The following LAMA2 variants were observed in gnomAD, a reference collection of about 807,000 sequenced individuals.
LAMA2 encodes the protein laminin subunit alpha-2.
Under a neutral mutation model 364.8 loss-of-function variants are expected in LAMA2, and 269 were observed. The ratio of observed to expected loss-of-function variants is 0.74; its 90% CI spans 0.67 to 0.82. The LOEUF (loss-of-function observed/expected upper bound fraction) is 0.82. Among genes scored for constraint, LAMA2 ranks in the 40% least tolerant of loss-of-function variants. The pLI, the probability that LAMA2 is intolerant of heterozygous loss-of-function variation, is 0.00. For synonymous variants in LAMA2, 1,379 were observed against 1,370.6 expected, an observed-to-expected ratio of 1.01 and a Z score of -0.14; for missense variants, 3,807 against 3,873.2, an observed-to-expected ratio of 0.98 and a Z score of 0.45.
intron 12 of LAMA2, among the ~76,000 whole-genome samples, chr6:129,210,352 A>G (rs1236347454): frequency 6.6e-6 from 1 of 152,202 alleles, no homozygotes; most frequent in Non-Finnish European, 1.5e-5. Flanking sequence ...GACTATGTAA[A>G]TACAAATTTA....
At chr6:129,051,405 C>G (rs1582944962) in intron 2 of LAMA2, among the ~76,000 whole-genome samples, 1 of 147,472 alleles carries the variant, frequency 6.8e-6, no homozygotes, top group African/African-American at 2.5e-5. Context: ...CGCCATCTCC[C>G]GGGTTCAAGC....
intron 1 of LAMA2, among the ~76,000 whole-genome samples, chr6:129,048,020 G>A (rs1263569349): frequency 6.6e-6 from 1 of 152,062 alleles, no homozygotes; most frequent in East Asian, 1.9e-4. Flanking sequence ...CTGTAATCAG[G>A]AGCGAGTTAC....
Position 129,383,148 on chromosome 6 carries a change from G to A in LAMA2, c.4986G>A (p.Glu1662=). ...CTACCAAAGTGACAGCAGATGGCGA[G>A]CAGACCGGACAGGATGCTGAGAGGA... ...TRATKVTADG[E]QTGQDAERTN... is the part of the protein sequence containing the mutation. Residue 1662 remains glutamate (E), a synonymous_variant, in exon 35 of 65, where the codon GAG becomes GAA. Coordinates refer to ENST00000421865, the MANE Select transcript of LAMA2 (RefSeq NM_000426.4). 6.2e-7 allele frequency: 1 copy of A among 1,613,866 alleles called. No homozygotes were observed. The highest frequency in any genetic ancestry group is 1.1e-5 in the South Asian group (1 of 91,050).
Position 129,492,051 on chromosome 6 carries a change from C to T in LAMA2, c.8049C>T (p.Cys2683=), listed in dbSNP as rs779116918. 1 of 1,613,942 alleles carries T rather than the reference C, an allele frequency of 6.2e-7. No individual in the cohort carries two copies. Among genetic ancestry groups the T allele is most frequent in the East Asian group, 2.2e-5 (1 of 44,854 alleles). ...PLRNIPPFEG[C]IWNLVINSVP... is the part of the protein sequence containing the mutation. ...GAAATATTCCTCCTTTTGAAGGCTG[C>T]ATATGGAATCTTGTTATTAACTCTG... is the stretch of plus-strand genomic sequence containing the variant. Residue 2683 remains cysteine (C), a synonymous_variant, in exon 57 of 65, where the codon TGC becomes TGT. Transcript: ENST00000421865.
In LAMA2 at chr6:129,256,724, AAT is replaced by A. The variant is rs1786695997; in HGVS notation, c.2097-3984_2097-3983del. Among the ~76,000 whole-genome samples the A allele has an allele frequency of 1.4e-5, 2 of 142,462 alleles. 1 individual carries two copies. Among genetic ancestry groups the A allele is most frequent in the South Asian group, 4.5e-4 (2 of 4,488 alleles). The allele number at this position is 142,462 out of a possible 152,430, so 93.5% of individuals were successfully genotyped here. ...TGTGGGATTGAAAATGTTTAAAGAA[AAT>A]ATCTTGCTATATATATATAAAAAAC... On this transcript the variant is annotated intron_variant, in intron 14 of 64. Transcript: ENST00000421865.
intron 4 of LAMA2, among the ~76,000 whole-genome samples, chr6:129,120,211 G>A (rs540792076): frequency 1.3e-5 from 2 of 152,190 alleles, no homozygotes; most frequent in African/African-American, 2.4e-5. Flanking sequence ...GTGTCCGAAA[G>A]TCACAATATG....
chr6:129,208,732 AAGG>A (rs1202194423), intron 12 of LAMA2, among the ~76,000 whole-genome samples: 3 of 138,216 alleles, frequency 2.2e-5, no homozygotes, highest in African/African-American at 7.6e-5. Flanking sequence ...GGAGGGAAGG[AAGG>A]AGGGAGGGAG....
At chr6:129,065,951 C>T (rs1436116344) in intron 3 of LAMA2, among the ~76,000 whole-genome samples, 1 of 151,632 alleles carries the variant, frequency 6.6e-6, no homozygotes, top group Non-Finnish European at 1.5e-5. Flanking sequence ...TCCTCCTTAC[C>T]TTCCACCATG....
At chr6:129,434,035 C>T (rs1781724458) in intron 41 of LAMA2, among the ~76,000 whole-genome samples, 1 of 152,066 alleles carries the variant, frequency 6.6e-6, no homozygotes, top group Non-Finnish European at 1.5e-5. Context: ...TTTCATTGTA[C>T]CAGACTAGAT....
chr6:129,215,026 A>G (rs773290600), intron 12 of LAMA2, among the ~76,000 whole-genome samples: 3 of 152,178 alleles, frequency 2.0e-5, no homozygotes, highest in Non-Finnish European at 4.4e-5. Context: ...TTTGTGGAGC[A>G]TGCTAGTATA....
chr6:129,420,171 T>C (rs1781006286), intron 40 of LAMA2, among the ~76,000 whole-genome samples: 1 of 152,150 alleles, frequency 6.6e-6, no homozygotes. Flanking sequence ...TTTATATAAC[T>C]GTTTCATAAC....
In LAMA2 at chr6:129,460,390, A is replaced by G. The variant is rs2114801548; in HGVS notation, c.6992+66A>G. 6 of 1,449,456 alleles carry G rather than the reference A, an allele frequency of 4.1e-6. No homozygotes were observed. In the South Asian group the frequency reaches 4.6e-5, roughly 11 times the overall value. The allele number at this position is 1,449,456 out of a possible 1,614,324, so 89.8% of individuals were successfully genotyped here. A position where few individuals can be genotyped will look rare whatever the true frequency, so the allele number is the denominator to read the frequency against. On this transcript the variant is annotated intron_variant, in intron 49 of 64. Transcript: ENST00000421865. The stretch of plus-strand genomic sequence containing the variant: ...ATAATAAAAGCTTCGATTTTATTGC[A>G]TAATATTCTATTATCATGTGGATGA...
intron 1 of LAMA2, among the ~76,000 whole-genome samples, chr6:128,884,316 T>TA (rs150013984): frequency 0.069 from 10,169 of 147,908 alleles, 992 homozygotes; most frequent in African/African-American, 0.22. Context: ...TGTATCAAAG[T>TA]AAAAAAAAAA....
chr6:129,050,120 T>C (rs1787895023), intron 2 of LAMA2, 32 bp downstream of exon 2: 1 of 1,610,894 alleles, frequency 6.2e-7, no homozygotes, highest in Admixed American at 1.7e-5. Context: ...TGTGTGGCGC[T>C]GGGTAGGATC....
chr6:129,270,673 G>A lies in LAMA2; in HGVS notation c.2372G>A (p.Gly791Asp). The A allele has an allele frequency of 6.2e-7, 1 of 1,613,058 alleles. No individual in the cohort carries two copies. Among genetic ancestry groups the A allele is most frequent in the Non-Finnish European group, 8.5e-7 (1 of 1,179,414 alleles). ...CCATATTGTGATAAATGTCTTCCTG[G>A]TTTCTATGGCGAGCCTACTAAAGGA... The part of the protein sequence containing the change: ...GGPYCDKCLP[G>D]FYGEPTKGTS... The change falls in exon 17 of 65, where the codon GGT (glycine) becomes GAT (aspartate). Residue 791 changes from glycine (G) to aspartate (D), a missense_variant. This residue lies in a region of LAMA2 where 3,333 missense variants were observed against 3,345.7 expected (regional missense o/e 1.00). Coordinates refer to ENST00000421865, the MANE Select transcript of LAMA2 (RefSeq NM_000426.4).
rs573212223 is a variant in LAMA2, at chr6:129,353,070, C to G, written c.4524-94C>G. The G allele has an allele frequency of 5.2e-5, 45 of 867,094 alleles. 1 individual carries two copies. In the Middle Eastern group the frequency reaches 1.6e-3, roughly 30 times the overall value. 53.7% of individuals were successfully genotyped at this position (867,094 alleles called of 1,614,324 possible). ...TAACTAATGTATGGACTCTTGCTAT[C>G]AGTTTTGTTGCATCAAAACAAAAGA... is the stretch of plus-strand genomic sequence containing the variant. On this transcript the variant is annotated intron_variant, in intron 31 of 64. Coordinates refer to ENST00000421865, the MANE Select transcript of LAMA2 (RefSeq NM_000426.4).
intron 3 of LAMA2, among the ~76,000 whole-genome samples, chr6:129,073,203 G>T (rs1371155200): frequency 2.0e-5 from 3 of 151,740 alleles, no homozygotes; most frequent in African/African-American, 4.8e-5. Context: ...ATTATTACTT[G>T]TTTTTCATTA....
chr6:129,059,985 A>G, intron 3 of LAMA2, 89 bp downstream of exon 3: 3 of 758,842 alleles, frequency 4.0e-6, no homozygotes, highest in South Asian at 1.4e-5. Context: ...GGGTGAAAGG[A>G]TACTCTTTCT....
chr6:129,071,284 T>C (rs1352676287), intron 3 of LAMA2, among the ~76,000 whole-genome samples: 1 of 152,192 alleles, frequency 6.6e-6, no homozygotes, highest in East Asian at 1.9e-4. Flanking sequence ...CAGATATTGT[T>C]GTGTAACCTT....
Sources: allele counts gnomAD v4.1 joint callset (sites outside exome capture counted in the v4.1 genomes callset), GRCh38; gene constraint gnomAD v4.1.1; regional missense constraint gnomAD v4.1.1; transcripts MANE v1.5; gene names NCBI Gene and HGNC (gene_info 2026-07-23, HGNC 2026-07-21).